The following USH2A variants were observed in gnomAD, a reference collection of about 807,000 sequenced individuals.
The protein encoded by USH2A is Usher syndrome 2A (autosomal recessive, mild).
USH2A carries 443 observed loss-of-function variants against 538.9 expected under a neutral mutation model. The observed-to-expected ratio is 0.82, with a 90% confidence interval of 0.76 to 0.89. The LOEUF is 0.89. Among genes scored for constraint, USH2A ranks in the 40% least tolerant of loss-of-function variants. The probability of loss-of-function intolerance (pLI) is 0.00; values close to 1 mark genes in which losing one functional copy is unlikely to be tolerated. For missense variants in USH2A, 6,633 were observed against 6,324.8 expected, an observed-to-expected ratio of 1.05 and a Z score of -1.65; for synonymous variants, 2,413 against 2,273.5, an observed-to-expected ratio of 1.06 and a Z score of -1.75.
rs971161483 is a variant in USH2A at position 215,747,891 on chromosome 1, G to GTTTT, written c.11390-4560_11390-4557dup. 7.5e-5 allele frequency among the ~76,000 whole-genome samples: 7 copies of GTTTT among 93,400 alleles called. No homozygotes were observed. The East Asian group carries it at 1.5e-3, about 20-fold the overall frequency. 61.3% of individuals were successfully genotyped at this position (93,400 alleles called of 152,430 possible). A position where few individuals can be genotyped will look rare whatever the true frequency, so the allele number is the denominator to read the frequency against. ...TTTTTTTTGTTTGTTTGTTTGTTTG[G>GTTTT]TTTTTTTTTTTGAGACGGAGTCTCG... On this transcript the variant is annotated intron_variant, in intron 58 of 71. Transcript: ENST00000307340.
intron 4 of USH2A, among the ~76,000 whole-genome samples, chr1:216,362,712 G>A (rs966408808): frequency 6.6e-6 from 1 of 151,948 alleles, no homozygotes; most frequent in African/African-American, 2.4e-5. Context: ...AGAGGCCAAG[G>A]TGGGTGGATC....
intron 64 of USH2A, among the ~76,000 whole-genome samples, chr1:215,659,457 G>A (rs1281637348): frequency 6.6e-6 from 1 of 152,144 alleles, no homozygotes; most frequent in East Asian, 1.9e-4. Context: ...CTTATGGAAT[G>A]GGGGAAGTAG....
At chr1:215,822,847 C>CT (rs1481010423) in intron 47 of USH2A, among the ~76,000 whole-genome samples, 2 of 151,858 alleles carry the variant, frequency 1.3e-5, no homozygotes, top group African/African-American at 4.8e-5. Context: ...TTATCAAATG[C>CT]TTTTTCAGCA....
At chr1:215,693,850 T>C (rs958683735) in intron 61 of USH2A, among the ~76,000 whole-genome samples, 2 of 152,166 alleles carry the variant, frequency 1.3e-5, no homozygotes, top group African/African-American at 4.8e-5. Flanking sequence ...TGAAAGAGTG[T>C]TTGGGACCCT....
At chr1:216,200,575 C>G (rs2034965610) in intron 16 of USH2A, among the ~76,000 whole-genome samples, 1 of 152,110 alleles carries the variant, frequency 6.6e-6, no homozygotes, top group African/African-American at 2.4e-5. Context: ...ATTTTCTGAC[C>G]TACAGAAATT....
Position 215,817,195 on chromosome 1 carries a change from T to C in USH2A, c.9372A>G (p.Arg3124=), listed in dbSNP as rs776146228. 3 of 1,611,748 alleles carry C rather than the reference T, an allele frequency of 1.9e-6. No individual in the cohort carries two copies. The highest frequency in any genetic ancestry group is 2.5e-6 in the Non-Finnish European group (3 of 1,178,332). Residue 3124 remains arginine, a splice_region_variant and synonymous_variant, in exon 48 of 72, where the codon AGA becomes AGG. Transcript: ENST00000307340. The part of the protein sequence containing the change: ...PTPTIRGITS[R]SLQIDWVSPR... Reference sequence around the variant, plus strand: ...GAGACACCCAATCAATTTGAAGAGATCTGCAACAGAGAGAATAATCAATAC... The same window carrying C: ...GAGACACCCAATCAATTTGAAGAGACCTGCAACAGAGAGAATAATCAATAC...
chr1:216,121,846 T>C (rs10864233), intron 21 of USH2A, among the ~76,000 whole-genome samples: 53,486 of 152,020 alleles, frequency 0.35, 10,350 homozygotes, highest in East Asian at 0.73. Context: ...TATTGCTTTA[T>C]ATTTCATAAA....
intron 14 of USH2A, among the ~76,000 whole-genome samples, chr1:216,230,871 ATCTCACTC>A (rs944832043): frequency 2.0e-4 from 15 of 74,924 alleles, no homozygotes; most frequent in Non-Finnish European, 3.4e-4. Context: ...CAAGCTCATA[ATCTCACTC>A]TCTCTCTCTC....
chr1:215,934,060 C>G (rs2102499034), intron 38 of USH2A, among the ~76,000 whole-genome samples: 1 of 152,098 alleles, frequency 6.6e-6, no homozygotes, highest in South Asian at 2.1e-4. Flanking sequence ...ACATTTCACA[C>G]ATGAATGTGG....
intron 3 of USH2A, among the ~76,000 whole-genome samples, chr1:216,418,066 G>A (rs1431246567): frequency 6.6e-6 from 1 of 151,952 alleles, no homozygotes; most frequent in African/African-American, 2.4e-5. Flanking sequence ...TTAGTTCTAA[G>A]GTCACCATTT....
rs1665448807 is a variant in USH2A at position 215,900,092 on chromosome 1, A to T, written c.7577T>A (p.Phe2526Tyr). The T allele has an allele frequency of 6.2e-7, 1 of 1,613,732 alleles. No homozygotes were observed. Among genetic ancestry groups the T allele is most frequent in the Non-Finnish European group, 8.5e-7 (1 of 1,179,738 alleles). The stretch of plus-strand genomic sequence containing the variant: ...CCACTTACTGTCCTCTGCGGTCATG[A>T]ATGGAATCCAAGAACTATGTGCACT... ...FGSAHSSWIP[F>Y]MTAEDKPGPV... Residue 2526 changes from phenylalanine (F) to tyrosine (Y), a missense_variant, in exon 40 of 72, where the codon TTC becomes TAC. By Grantham distance (22) the Phe-to-Tyr change is conservative (BLOSUM62 3). Transcript: ENST00000307340.
At chr1:216,349,041 C>T (rs188140863) in intron 4 of USH2A, among the ~76,000 whole-genome samples, 253 of 152,170 alleles carry the variant, frequency 1.7e-3, no homozygotes, top group Non-Finnish European at 6.8e-4. Flanking sequence ...TTTACTGCTG[C>T]GGAATGTATT....
chr1:216,113,879 G>T (rs2032937541), intron 21 of USH2A, among the ~76,000 whole-genome samples: 1 of 150,722 alleles, frequency 6.6e-6, no homozygotes, highest in South Asian at 2.1e-4. Flanking sequence ...TTAATTTTCT[G>T]GAAAAAATAA....
chr1:216,255,184 G>A (rs1188578033), intron 11 of USH2A, among the ~76,000 whole-genome samples: 3 of 152,194 alleles, frequency 2.0e-5, no homozygotes, highest in African/African-American at 7.2e-5. Flanking sequence ...TCACAATTTT[G>A]GCCTTAACAT....
At chr1:215,694,756 A>T (rs532558901) in intron 61 of USH2A, among the ~76,000 whole-genome samples, 1 of 152,280 alleles carries the variant, frequency 6.6e-6, no homozygotes, top group South Asian at 2.1e-4. Flanking sequence ...ATAACATCAC[A>T]TTGAGGGTTA....
chr1:216,153,018 G>T (rs116607740), intron 21 of USH2A, among the ~76,000 whole-genome samples: 4,802 of 152,210 alleles, frequency 0.032, 244 homozygotes, highest in African/African-American at 0.11. Context: ...GGGTTAGTCA[G>T]AGAGGAGATT....
rs2102468716 is a variant in USH2A, at chr1:216,200,717, C to T, written c.3317-596G>A. ...GGATTGTGAGGGCAAAGAGAAGCAG[C>T]TACAAAGAGGTTTTTAAAAAATAAG... On this transcript the variant is annotated intron_variant, in intron 16 of 71. Coordinates refer to ENST00000307340, the MANE Select transcript of USH2A (RefSeq NM_206933.4). Among the ~76,000 whole-genome samples, 2 of 152,230 alleles carry T rather than the reference C, an allele frequency of 1.3e-5. 1 individual carries two copies. Among genetic ancestry groups the T allele is most frequent in the South Asian group, 4.2e-4 (2 of 4,816 alleles).
At chr1:215,652,363 G>A (rs1298563791) in intron 64 of USH2A, among the ~76,000 whole-genome samples, 2 of 152,190 alleles carry the variant, frequency 1.3e-5, no homozygotes, top group African/African-American at 2.4e-5. Context: ...AAAATTAAAC[G>A]ACTTGTCCAT....
In USH2A at chr1:216,261,402, C is replaced by T. The variant is rs1007458516; in HGVS notation, c.1972-10304G>A. Among the ~76,000 whole-genome samples the T allele has an allele frequency of 3.8e-4, 56 of 149,318 alleles. 1 individual carries two copies. Among genetic ancestry groups the T allele is most frequent in the African/African-American group, 1.3e-3 (52 of 40,580 alleles). On this transcript the variant is annotated intron_variant, in intron 11 of 71. Transcript: ENST00000307340. ...GGCTTAGGTAGAAGTATTGTTAGAG[C>T]CCAGGAGTTTGAGTCCAGCCTAGAC...
Sources: gnomAD v4.1 joint callset for allele counts (sites outside exome capture counted in the v4.1 genomes callset) on GRCh38, gnomAD v4.1.1 for gene constraint, MANE v1.5 for transcripts, NCBI Gene and HGNC (gene_info 2026-07-23, HGNC 2026-07-21) for gene names.